Variants in LIMK1 observed in about 807,000 individuals in gnomAD.
LIMK1 encodes the protein LIM domain kinase 1.
LIMK1 carries 21 observed loss-of-function variants against 77.6 expected under a neutral mutation model. The observed-to-expected ratio is 0.27, with a 90% CI of 0.19 to 0.39. The LOEUF (loss-of-function observed/expected upper bound fraction) is 0.39. LIMK1 is among the 10% of genes least tolerant of loss of function. The probability of loss-of-function intolerance (pLI) is 1.00; values close to 1 mark genes in which losing one functional copy is unlikely to be tolerated. For missense variants in LIMK1, 696 were observed against 901.6 expected (o/e 0.77, Z 2.92); for synonymous variants, 358 against 370.0 (o/e 0.97, Z 0.37).
At chr7:74,095,982 T>TTTTTTTTTTTA (rs1799330282) in intron 2 of LIMK1, among the ~76,000 whole-genome samples, 1 of 149,948 alleles carries the variant, frequency 6.7e-6, no homozygotes, top group Non-Finnish European at 1.5e-5. Flanking sequence ...TTTTTTTTTT[T>TTTTTTTTTTTA]GGAGACAGAG....
At chr7:74,098,912 CAAAAAAA>C in intron 4 of LIMK1, 113 bp from the exon 5 acceptor site, 3 of 585,694 alleles carry the variant, frequency 5.1e-6, no homozygotes, top group South Asian at 2.1e-5. Flanking sequence ...GACTCCATCT[CAAAAAAA>C]AAAAAAAAAA....
intron 2 of LIMK1, among the ~76,000 whole-genome samples, chr7:74,087,445 GAGAATTACA>G (rs1799155087): frequency 6.6e-6 from 1 of 152,108 alleles, no homozygotes; most frequent in Non-Finnish European, 1.5e-5. Flanking sequence ...TGGTGTGGGA[GAGAATTACA>G]GGCATAGTCA....
intron 2 of LIMK1, among the ~76,000 whole-genome samples, chr7:74,091,584 C>T (rs528863564): frequency 1.3e-5 from 2 of 152,148 alleles, no homozygotes; most frequent in South Asian, 2.1e-4. Context: ...TCTCACAGCG[C>T]GTGAGGAGTA....
intron 12 of LIMK1, among the ~76,000 whole-genome samples, chr7:74,112,798 C>T (rs1554698865): frequency 6.6e-6 from 1 of 151,680 alleles, no homozygotes; most frequent in Admixed American, 6.6e-5. Flanking sequence ...GCACTCCAGC[C>T]TGGGTGACAG....
At chr7:74,120,484 C>A in intron 13 of LIMK1, 99 bp from the exon 14 acceptor site, 1 of 1,341,112 alleles carries the variant, frequency 7.5e-7, no homozygotes, top group Non-Finnish European at 1.1e-6. Context: ...GCCTGGACCT[C>A]CCGGCCGGGG....
chr7:74,096,166 T>C (rs532819168), intron 2 of LIMK1, among the ~76,000 whole-genome samples: 2 of 151,580 alleles, frequency 1.3e-5, no homozygotes, highest in East Asian at 2.0e-4. Context: ...GGTTTTGCCA[T>C]GTTGGCCAGG....
At position 74,104,193 on chromosome 7, in the gene LIMK1, A is replaced by G. The variant is rs559842654; in HGVS notation, c.609-1682A>G. ...GCAATCCTCCCACCTTGGCCTCCCA[A>G]AGTGCTGGGATTCCAGGCATGAGCC... On this transcript the variant is annotated intron_variant, in intron 5 of 15. Coordinates refer to ENST00000336180, the MANE Select transcript of LIMK1 (RefSeq NM_002314.4). Among the ~76,000 whole-genome samples, 21 of 151,570 alleles carry G rather than the reference A, an allele frequency of 1.4e-4. No individual in the cohort carries two copies. The South Asian group carries it at 4.5e-3, about 32-fold the overall frequency.
At chr7:74,102,641 G>T (rs1026429847) in intron 5 of LIMK1, among the ~76,000 whole-genome samples, 11 of 151,158 alleles carry the variant, frequency 7.3e-5, no homozygotes, top group African/African-American at 2.4e-4. Context: ...GGGCCACCAC[G>T]CCTGGCTAGG....
At chr7:74,112,643 G>A (rs1554698836) in intron 12 of LIMK1, among the ~76,000 whole-genome samples, 1 of 151,804 alleles carries the variant, frequency 6.6e-6, no homozygotes, top group African/African-American at 2.4e-5. Context: ...GGCTAACACG[G>A]TGAAACCCCA....
At chr7:74,112,765 C>G (rs2115735617) in intron 12 of LIMK1, among the ~76,000 whole-genome samples, 1 of 151,874 alleles carries the variant, frequency 6.6e-6, no homozygotes, top group African/African-American at 2.4e-5. Context: ...GCGGAACTTG[C>G]AGTGAGCCAA....
At chr7:74,119,284 T>C (rs956568172) in intron 13 of LIMK1, among the ~76,000 whole-genome samples, 3 of 151,668 alleles carry the variant, frequency 2.0e-5, no homozygotes, top group Non-Finnish European at 4.4e-5. Flanking sequence ...GTTCAAGTGA[T>C]TCTCCTGCCT....
intron 12 of LIMK1, 59 bp from the exon 13 acceptor site, chr7:74,115,743 C>T: frequency 1.3e-6 from 2 of 1,577,014 alleles, no homozygotes; most frequent in African/African-American, 1.3e-5. Flanking sequence ...TGGGGAGGGG[C>T]AGGCCAAGCG....
At chr7:74,120,811 T>C in intron 14 of LIMK1, 81 bp from the exon 15 acceptor site, 1 of 1,589,554 alleles carries the variant, frequency 6.3e-7, no homozygotes, top group South Asian at 1.1e-5. Context: ...CAGTGCCACC[T>C]GCCCTCAAAC....
At chr7:74,113,494 G>A (rs1452855882) in intron 12 of LIMK1, among the ~76,000 whole-genome samples, 1 of 151,488 alleles carries the variant, frequency 6.6e-6, no homozygotes, top group Non-Finnish European at 1.5e-5. Flanking sequence ...GCATGGTGGC[G>A]CATGCCTGTA....
At chr7:74,116,093 CT>C in intron 13 of LIMK1, 135 bp downstream of exon 13, 1 of 901,630 alleles carries the variant, frequency 1.1e-6, no homozygotes, top group Non-Finnish European at 1.7e-6. Context: ...CCTGTTGCTC[CT>C]ATAACACACT....
chr7:74,114,879 C>T (rs1554699151), intron 12 of LIMK1, among the ~76,000 whole-genome samples: 3 of 145,686 alleles, frequency 2.1e-5, no homozygotes, highest in African/African-American at 7.7e-5. Flanking sequence ...CGTGCCACTG[C>T]ACTTCAACCT....
At chr7:74,115,564 T>G (rs1799789523) in intron 12 of LIMK1, 1 of 499,502 alleles carries the variant, frequency 2.0e-6, no homozygotes, top group Non-Finnish European at 3.6e-6. Flanking sequence ...GGGCAGAGGG[T>G]GCAGCGTGTG....
intron 13 of LIMK1, among the ~76,000 whole-genome samples, chr7:74,116,509 A>G (rs1799815026): frequency 6.6e-6 from 1 of 152,012 alleles, no homozygotes; most frequent in Non-Finnish European, 1.5e-5. Context: ...GGCTGAAATC[A>G]AGACGCCGGT....
intron 12 of LIMK1, 54 bp downstream of exon 12, chr7:74,112,052 C>A: frequency 7.2e-7 from 1 of 1,393,230 alleles, no homozygotes; most frequent in Non-Finnish European, 9.9e-7. Context: ...GGAGCCCATC[C>A]AACCCCAGCC....
Sources: gnomAD v4.1 joint callset for allele counts (sites outside exome capture counted in the v4.1 genomes callset) on GRCh38, gnomAD v4.1.1 for gene constraint, MANE v1.5 for transcripts, NCBI Gene and HGNC (gene_info 2026-07-23, HGNC 2026-07-21) for gene names.